ZEB1: variants seen among roughly 807,000 people sequenced by gnomAD.
The protein encoded by ZEB1 is zinc finger E-box-binding homeobox 1.
In ZEB1, 21 loss-of-function variants were observed where a neutral mutation model predicts 84.9. That is an observed-to-expected ratio of 0.25 (90% CI 0.18 to 0.36). The LOEUF (loss-of-function observed/expected upper bound fraction) is 0.36. Among genes scored for constraint, ZEB1 ranks in the 10% least tolerant of loss-of-function variants. The pLI is 1.00. For synonymous variants in ZEB1, 420 were observed against 471.1 expected (o/e 0.89, Z 1.41); for missense variants, 1,104 against 1,330.2 (o/e 0.83, Z 2.65).
At chr10:31,491,605 G>A (rs1377477636) in intron 2 of ZEB1, among the ~76,000 whole-genome samples, 1 of 151,860 alleles carries the variant, frequency 6.6e-6, no homozygotes, top group African/African-American at 2.4e-5. Context: ...ATCACCCTGT[G>A]CTACTCTGAA....
At chr10:31,431,761 A>G (rs1482622034) in intron 1 of ZEB1, among the ~76,000 whole-genome samples, 2 of 152,226 alleles carry the variant, frequency 1.3e-5, no homozygotes, top group African/African-American at 2.4e-5. Flanking sequence ...CATTACTTTC[A>G]ATCAGATGTA....
At chr10:31,474,788 A>G (rs2063826038) in intron 2 of ZEB1, among the ~76,000 whole-genome samples, 1 of 152,136 alleles carries the variant, frequency 6.6e-6, no homozygotes, top group Non-Finnish European at 1.5e-5. Flanking sequence ...ACTATTCACA[A>G]TAGCAAAGAC....
At chr10:31,335,658 A>G (rs1439495731) in intron 1 of ZEB1, among the ~76,000 whole-genome samples, 1 of 152,154 alleles carries the variant, frequency 6.6e-6, no homozygotes, top group Non-Finnish European at 1.5e-5. Context: ...TTCCAGCCCT[A>G]CCTTCTTTCC....
intron 1 of ZEB1, among the ~76,000 whole-genome samples, chr10:31,428,026 T>C (rs1010403570): frequency 6.6e-6 from 1 of 152,196 alleles, no homozygotes; most frequent in African/African-American, 2.4e-5. Flanking sequence ...AGCTCCTGGA[T>C]TCGTTGATCT....
chr10:31,378,806 T>C (rs2047135782), intron 1 of ZEB1, among the ~76,000 whole-genome samples: 1 of 152,012 alleles, frequency 6.6e-6, no homozygotes, highest in Non-Finnish European at 1.5e-5. Flanking sequence ...TGTAACATAC[T>C]TTGTATAAGA....
Position 31,482,190 on chromosome 10 carries a change from G to GTAT in ZEB1, c.260-13585_260-13583dup, listed in dbSNP as rs1040313662. Reference sequence around the variant, plus strand: ...TGACATACCATGTGCCACTAGTGTGGTATATTGACAAGGGCACCTATTGCT... The same window carrying GTAT: ...TGACATACCATGTGCCACTAGTGTGGTATTATATTGACAAGGGCACCTATTGCT... On this transcript the variant is annotated intron_variant, in intron 2 of 8. Transcript: ENST00000424869. Among the ~76,000 whole-genome samples the GTAT allele has an allele frequency of 9.4e-4, 143 of 152,062 alleles. 2 individuals carry two copies. Among genetic ancestry groups the GTAT allele is most frequent in the African/African-American group, 3.4e-3 (140 of 41,510 alleles).
chr10:31,324,905 A>G (rs575789694), intron 1 of ZEB1, among the ~76,000 whole-genome samples: 1 of 152,164 alleles, frequency 6.6e-6, no homozygotes, highest in South Asian at 2.1e-4. Flanking sequence ...TTTTGTAGCA[A>G]CCCTAGTTAA....
chr10:31,350,299 T>A (rs2133844033), intron 1 of ZEB1, among the ~76,000 whole-genome samples: 2 of 152,290 alleles, frequency 1.3e-5, no homozygotes, highest in South Asian at 4.1e-4. Flanking sequence ...GTGGCAAAAA[T>A]TCTGCATTAT....
intron 2 of ZEB1, among the ~76,000 whole-genome samples, chr10:31,477,553 C>T (rs1397515617): frequency 6.6e-6 from 1 of 152,002 alleles, no homozygotes; most frequent in Non-Finnish European, 1.5e-5. Flanking sequence ...ATAGCCAAAG[C>T]AATCTTAAGC....
intron 1 of ZEB1, among the ~76,000 whole-genome samples, chr10:31,406,335 G>A (rs1207683959): frequency 6.6e-6 from 1 of 151,948 alleles, no homozygotes; most frequent in African/African-American, 2.4e-5. Flanking sequence ...TCTTAGTTCT[G>A]CACATCCTCT....
chr10:31,443,311 T>C, intron 1 of ZEB1, among the ~76,000 whole-genome samples: 1 of 152,148 alleles, frequency 6.6e-6, no homozygotes, highest in East Asian at 1.9e-4. Flanking sequence ...GTCGTTTGTC[T>C]TTTGACTTGA....
chr10:31,473,174 C>T (rs1182225543), intron 2 of ZEB1, among the ~76,000 whole-genome samples: 7 of 149,232 alleles, frequency 4.7e-5, no homozygotes, highest in South Asian at 2.2e-4. Flanking sequence ...TCTCTCACCA[C>T]TCCTATTCAA....
intron 1 of ZEB1, 72 bp from the exon 2 acceptor site, chr10:31,460,965 A>T: frequency 8.2e-7 from 1 of 1,217,378 alleles, no homozygotes; most frequent in Admixed American, 1.9e-5. Context: ...CATCTTTTTT[A>T]TTTTTCTGAG....
chr10:31,427,699 A>G (rs572051679), intron 1 of ZEB1, among the ~76,000 whole-genome samples: 3 of 152,098 alleles, frequency 2.0e-5, no homozygotes, highest in East Asian at 3.9e-4. Context: ...TAAAAATACA[A>G]ACAAAAAAAA....
intron 1 of ZEB1, among the ~76,000 whole-genome samples, chr10:31,445,029 G>C (rs1338477784): frequency 2.7e-5 from 4 of 150,186 alleles, no homozygotes; most frequent in African/African-American, 7.6e-5. Context: ...TCGCGATATT[G>C]ATTCTTCCTA....
chr10:31,409,526 G>C, intron 1 of ZEB1, among the ~76,000 whole-genome samples: 1 of 152,082 alleles, frequency 6.6e-6, no homozygotes, highest in Non-Finnish European at 1.5e-5. Context: ...AGTTTAAAGT[G>C]GTTTTTTCTA....
At chr10:31,507,268 CTT>C (rs998952732) in intron 4 of ZEB1, among the ~76,000 whole-genome samples, 1 of 152,084 alleles carries the variant, frequency 6.6e-6, no homozygotes, top group Non-Finnish European at 1.5e-5. Flanking sequence ...TAGAATATCT[CTT>C]TGTCTTTTAC....
chr10:31,461,806 ATCT>A (rs1028051375), intron 2 of ZEB1, among the ~76,000 whole-genome samples: 2 of 152,278 alleles, frequency 1.3e-5, no homozygotes, highest in African/African-American at 4.8e-5. Flanking sequence ...TGAAAGTTTA[ATCT>A]TCTTCCTCAT....
At chr10:31,447,981 T>C (rs1418112386) in intron 1 of ZEB1, among the ~76,000 whole-genome samples, 1 of 151,640 alleles carries the variant, frequency 6.6e-6, no homozygotes, top group African/African-American at 2.4e-5. Flanking sequence ...TTGGGGAAGT[T>C]CTCCTGGATA....
Sources: gnomAD v4.1 joint callset for allele counts (sites outside exome capture counted in the v4.1 genomes callset) on GRCh38, gnomAD v4.1.1 for gene constraint, MANE v1.5 for transcripts, NCBI Gene and HGNC (gene_info 2026-07-23, HGNC 2026-07-21) for gene names.